MYOM1: variants seen among roughly 807,000 people sequenced by gnomAD.
MYOM1 encodes the protein myomesin 1.
In MYOM1, 164 loss-of-function variants were observed where a neutral mutation model predicts 205.3. The observed-to-expected ratio is 0.80, with a 90% confidence interval of 0.70 to 0.91. MYOM1 has a LOEUF of 0.91. Among genes scored for constraint, MYOM1 ranks in the 40% least tolerant of loss-of-function variants. MYOM1 has a pLI of 0.00. For missense variants in MYOM1, 2,011 were observed against 2,127.3 expected (o/e 0.95, Z 1.08); for synonymous variants, 772 against 789.4 (o/e 0.98, Z 0.37).
chr18:3,120,354 C>T (rs550558780), intron 19 of MYOM1, among the ~76,000 whole-genome samples: 6 of 152,174 alleles, frequency 3.9e-5, no homozygotes, highest in African/African-American at 9.6e-5. Context: ...CAATGGGGTT[C>T]GGGCCCCTCC....
intron 2 of MYOM1, among the ~76,000 whole-genome samples, chr18:3,213,122 G>A (rs1215558772): frequency 6.6e-6 from 1 of 152,170 alleles, no homozygotes; most frequent in Non-Finnish European, 1.5e-5. Context: ...ATCAGGTGCT[G>A]CTCAAACCCA....
chr18:3,075,444 G>C lies in MYOM1; in HGVS notation c.4708+10C>G. 3 of 1,610,446 alleles carry C rather than the reference G, an allele frequency of 1.9e-6. No homozygotes were observed. Among genetic ancestry groups the C allele is most frequent in the Non-Finnish European group, 2.5e-6 (3 of 1,177,234 alleles). Reference sequence around the variant, plus strand: ...AGTACTTGTGAAAAGTAAAAAAAAAGTTTACTTACTTTTCTCGGCAATGGC... The same window carrying C: ...AGTACTTGTGAAAAGTAAAAAAAAACTTTACTTACTTTTCTCGGCAATGGC... On this transcript the variant is annotated intron_variant, in intron 36 of 37. Coordinates refer to ENST00000356443, the MANE Select transcript of MYOM1 (RefSeq NM_003803.4).
At chr18:3,139,154 G>T (rs73940105) in intron 14 of MYOM1, among the ~76,000 whole-genome samples, 4 of 152,270 alleles carry the variant, frequency 2.6e-5, no homozygotes, top group African/African-American at 7.2e-5. Flanking sequence ...TGAAAACAAA[G>T]ATATTTACCT....
chr18:3,245,997 A>G, the MYOM1 span: 2 of 152,260 alleles, frequency 1.3e-5, no homozygotes, highest in Non-Finnish European at 2.9e-5. Flanking sequence ...CATAAGCCAC[A>G]GCCCCCACCA....
the MYOM1 span, among the ~76,000 whole-genome samples, chr18:3,238,476 TG>T: frequency 9.3e-3 from 1,368 of 147,872 alleles, 11 homozygotes; most frequent in South Asian, 0.029. Context: ...ACTAAATTGG[TG>T]GGGGGGTGGG....
At chr18:3,127,015 C>T (rs900675512) in intron 18 of MYOM1, 118 bp from the exon 19 acceptor site, 34 of 870,912 alleles carry the variant, frequency 3.9e-5, no homozygotes, top group Middle Eastern at 2.4e-4. Context: ...AACTAAAATT[C>T]GAGGCTGATG....
At chr18:3,176,878 T>C (rs536025233) in intron 5 of MYOM1, among the ~76,000 whole-genome samples, 2 of 148,632 alleles carry the variant, frequency 1.3e-5, no homozygotes, top group East Asian at 3.9e-4. Context: ...TGAGACTCCA[T>C]CTCGAAAAAA....
At position 3,124,303 on chromosome 18, in the gene MYOM1, CTTTT is replaced by C. The variant is rs34118507; in HGVS notation, c.2991+2394_2991+2397del. Reference sequence around the variant, plus strand: ...GGCAGACGACAAACTTTTCTTTTTTCTTTTTTTTTTTTTTTGAGATGGAGTCTCA... The same window carrying C: ...GGCAGACGACAAACTTTTCTTTTTTCTTTTTTTTTTTGAGATGGAGTCTCA... On this transcript the variant is annotated intron_variant, in intron 19 of 37. Transcript: ENST00000356443. Among the ~76,000 whole-genome samples the C allele has an allele frequency of 7.6e-5, 10 of 130,888 alleles. 1 individual carries two copies. The highest frequency in any genetic ancestry group is 3.2e-4 in the Admixed American group (4 of 12,558). 85.9% of individuals were successfully genotyped at this position (130,888 alleles called of 152,430 possible).
At chr18:3,134,926 T>A in intron 15 of MYOM1, 102 bp from the exon 16 acceptor site, 1 of 1,172,044 alleles carries the variant, frequency 8.5e-7, no homozygotes, top group Admixed American at 2.2e-5. Flanking sequence ...CACTTCGTCA[T>A]GTCAAAAGAA....
intron 2 of MYOM1, among the ~76,000 whole-genome samples, chr18:3,212,821 C>T (rs908470839): frequency 2.8e-5 from 4 of 142,934 alleles, no homozygotes; most frequent in African/African-American, 1.1e-4. Context: ...GTATTAATTC[C>T]TCCCAGCTTT....
chr18:3,101,222 T>G (rs1221306707), intron 23 of MYOM1, among the ~76,000 whole-genome samples: 1 of 152,226 alleles, frequency 6.6e-6, no homozygotes, highest in Non-Finnish European at 1.5e-5. Flanking sequence ...ATTGCTAGTT[T>G]TTTCTTTGAT....
In MYOM1 at chr18:3,151,720, T is replaced by C. The variant is rs1368256168; in HGVS notation, c.1817A>G (p.Asp606Gly). 6.2e-7 allele frequency: 1 copy of C among 1,613,724 alleles called. No individual in the cohort carries two copies. Among genetic ancestry groups the C allele is most frequent in the Admixed American group, 1.7e-5 (1 of 60,010 alleles). Residue 606 changes from aspartate (D) to glycine (G), a missense_variant, in exon 12 of 38, where the codon GAT (aspartate) becomes GGT (glycine). Coordinates refer to ENST00000356443, the MANE Select transcript of MYOM1 (RefSeq NM_003803.4). ...SRVSEPVAAL[D>G]PAEKARLKSR... ...TTTAAGTCTAGCTTTCTCAGCCGGA[T>C]CCAGAGCAGCCACGGGCTCGGAAAC...
intron 1 of MYOM1, among the ~76,000 whole-genome samples, chr18:3,218,882 A>G (rs2081299887): frequency 6.6e-6 from 1 of 152,136 alleles, no homozygotes; most frequent in African/African-American, 2.4e-5. Context: ...AAATACATTT[A>G]TTTTTAATAA....
chr18:3,216,828 A>G (rs1366233979), intron 1 of MYOM1, among the ~76,000 whole-genome samples: 1 of 152,202 alleles, frequency 6.6e-6, no homozygotes, highest in Non-Finnish European at 1.5e-5. Flanking sequence ...CAGAAGACCT[A>G]TGAAAGGGCT....
chr18:3,226,181 T>G, the MYOM1 span, among the ~76,000 whole-genome samples: 2 of 152,226 alleles, frequency 1.3e-5, no homozygotes, highest in Non-Finnish European at 2.9e-5. This position sits in a 1 kb window ranked among gnomAD's most constrained non-coding sequence, Gnocchi z 4.6. Context: ...TTGTGTTCCA[T>G]TCATTCGTCA....
rs1283161283 is a variant in MYOM1, at chr18:3,135,747, G to A, written c.2026-17C>T. 1.9e-6 allele frequency: 3 copies of A among 1,613,074 alleles called. No homozygotes were observed. The highest frequency in any genetic ancestry group is 2.2e-5 in the South Asian group (2 of 91,008). On this transcript the variant is annotated splice_polypyrimidine_tract_variant and intron_variant, in intron 14 of 37. Transcript: ENST00000356443. The surrounding 1 kb of genome is among the most constrained non-coding windows in gnomAD (Gnocchi z 4.1). ...TGCCTCACACTGCAGCAAGAACAGG[G>A]AAACCCATTGAAAGCACAGCAAACA...
chr18:3,214,594 C>G (rs565563755), intron 2 of MYOM1, among the ~76,000 whole-genome samples: 74 of 152,202 alleles, frequency 4.9e-4, no homozygotes, highest in African/African-American at 1.6e-3. Context: ...GAGGCCCAGG[C>G]GGGTGGAACA....
At chr18:3,163,341 A>G (rs9955408) in intron 10 of MYOM1, among the ~76,000 whole-genome samples, 31,451 of 152,122 alleles carry the variant, frequency 0.21, 3,415 homozygotes, top group East Asian at 0.37. Context: ...CTGTACTAGC[A>G]GCTCCCTGAA....
chr18:3,158,688 C>G (rs748604798), intron 10 of MYOM1, among the ~76,000 whole-genome samples: 3 of 151,952 alleles, frequency 2.0e-5, no homozygotes, highest in Non-Finnish European at 4.4e-5. Flanking sequence ...ATCATAGTTC[C>G]CGGTGGCTTT....
Sources: allele counts gnomAD v4.1 joint callset (sites outside exome capture counted in the v4.1 genomes callset), GRCh38; gene constraint gnomAD v4.1.1; non-coding constraint Gnocchi (gnomAD v3.1); transcripts MANE v1.5; gene names NCBI Gene and HGNC (gene_info 2026-07-23, HGNC 2026-07-21).